TNIP3: variants seen among roughly 807,000 people sequenced by gnomAD.
The protein encoded by TNIP3 is TNFAIP3 interacting protein 3.
Under a neutral mutation model 54.1 loss-of-function variants are expected in TNIP3, and 34 were observed. That is an observed-to-expected ratio of 0.63 (90% confidence interval 0.48 to 0.84). The LOEUF (loss-of-function observed/expected upper bound fraction) is 0.84, where lower values mean the gene tolerates loss of function less well. Among genes scored for constraint, TNIP3 ranks in the 40% least tolerant of loss-of-function variants. The pLI, the probability that TNIP3 is intolerant of heterozygous loss-of-function variation, is 0.00. For synonymous variants in TNIP3, 134 were observed against 136.8 expected (o/e 0.98, Z 0.14); for missense variants, 366 against 387.6 (o/e 0.94, Z 0.47).
At chr4:121,152,530 C>T (rs887773383) in intron 5 of TNIP3, among the ~76,000 whole-genome samples, 18 of 152,134 alleles carry the variant, frequency 1.2e-4, no homozygotes, top group Admixed American at 3.9e-4. Context: ...GAATTGTCTA[C>T]CAAACATATT....
In TNIP3 at chr4:121,158,764, A is replaced by G. The variant is rs1258151229; in HGVS notation, c.148-12T>C. The G allele has an allele frequency of 2.5e-6, 4 of 1,602,704 alleles. 1 individual carries two copies. The South Asian group carries it at 3.4e-5, about 13-fold the overall frequency. On this transcript the variant is annotated splice_polypyrimidine_tract_variant and intron_variant, in intron 2 of 10. Transcript: ENST00000057513. Reference sequence around the variant, plus strand: ...TTAACTTCCAGGAGCTGAAATCATTAAAATTTGGTGAATCAACAAAGAATT... The same window carrying G: ...TTAACTTCCAGGAGCTGAAATCATTGAAATTTGGTGAATCAACAAAGAATT...
intron 2 of TNIP3, among the ~76,000 whole-genome samples, chr4:121,210,638 G>A (rs1049451835): frequency 6.6e-6 from 1 of 152,164 alleles, no homozygotes; most frequent in Non-Finnish European, 1.5e-5. Context: ...CAGCAGGTAG[G>A]TTTCATTCTA....
At chr4:121,227,278 C>G in intron 1 of TNIP3, 1 of 1,001,148 alleles carries the variant, frequency 1.0e-6, no homozygotes, top group Admixed American at 2.2e-5. Flanking sequence ...TTATATATGT[C>G]TTTTTAATAT....
At chr4:121,179,860 T>C (rs886450855) in intron 3 of TNIP3, among the ~76,000 whole-genome samples, 2 of 151,972 alleles carry the variant, frequency 1.3e-5, no homozygotes, top group Non-Finnish European at 2.9e-5. Context: ...AGGAAATATA[T>C]TGAATTCACT....
intron 2 of TNIP3, among the ~76,000 whole-genome samples, chr4:121,194,363 G>A (rs1227712678): frequency 6.6e-6 from 1 of 151,988 alleles, no homozygotes; most frequent in Non-Finnish European, 1.5e-5. Context: ...AAACCTAAAA[G>A]ATAAGATCTG....
intron 2 of TNIP3, among the ~76,000 whole-genome samples, chr4:121,212,409 G>C (rs534719255): frequency 6.6e-6 from 1 of 152,282 alleles, no homozygotes; most frequent in African/African-American, 2.4e-5. Flanking sequence ...TTGAGAGACT[G>C]CTTTCTTAGT....
At chr4:121,203,061 G>A (rs1393046770) in intron 2 of TNIP3, among the ~76,000 whole-genome samples, 1 of 152,010 alleles carries the variant, frequency 6.6e-6, no homozygotes, top group Non-Finnish European at 1.5e-5. Flanking sequence ...TTTGATCCAG[G>A]AATCCTACTA....
At chr4:121,210,237 AG>A (rs148522148) in intron 2 of TNIP3, among the ~76,000 whole-genome samples, 6,587 of 152,290 alleles carry the variant, frequency 0.043, 470 homozygotes, top group African/African-American at 0.15. Flanking sequence ...TTTATAATAA[AG>A]AAAGGAAAAA....
intron 9 of TNIP3, among the ~76,000 whole-genome samples, chr4:121,141,460 C>T (rs1160541473): frequency 1.3e-5 from 2 of 152,168 alleles, no homozygotes; most frequent in Non-Finnish European, 2.9e-5. Context: ...CGAACAAAAG[C>T]ATCTCATTTT....
At chr4:121,152,361 C>A (rs1314175822) in intron 5 of TNIP3, among the ~76,000 whole-genome samples, 2 of 152,116 alleles carry the variant, frequency 1.3e-5, no homozygotes, top group African/African-American at 4.8e-5. Context: ...AGACAAAAAT[C>A]TACTGTCATA....
chr4:121,165,816 T>G (rs1196076722), upstream of TNIP3, among the ~76,000 whole-genome samples: 1 of 152,090 alleles, frequency 6.6e-6, no homozygotes, highest in Non-Finnish European at 1.5e-5. Context: ...GTTCTGAAAG[T>G]AAAAAGTTAT....
At chr4:121,190,447 C>T (rs1341957805) in intron 2 of TNIP3, among the ~76,000 whole-genome samples, 1 of 152,122 alleles carries the variant, frequency 6.6e-6, no homozygotes, top group Non-Finnish European at 1.5e-5. Context: ...GAGAAGCTCC[C>T]ATTAAAAAGT....
At chr4:121,160,333 G>A (rs1224461472) in intron 2 of TNIP3, among the ~76,000 whole-genome samples, 2 of 152,098 alleles carry the variant, frequency 1.3e-5, no homozygotes, top group Non-Finnish European at 2.9e-5. Flanking sequence ...ACAAATATTA[G>A]CTGGGCATGG....
Position 121,131,484 on chromosome 4 carries a change from A to G in TNIP3, c.*1147T>C, listed in dbSNP as rs964051588. 9.9e-5 allele frequency: 15 copies of G among 151,390 alleles called. No homozygotes were observed. The highest frequency in any genetic ancestry group is 2.9e-5 in the Non-Finnish European group (2 of 67,900). The allele number at this position is 151,390 out of a possible 1,614,324, so 9.4% of individuals were successfully genotyped here. Reference sequence around the variant, plus strand: ...TTTTTCATTAAAATTAATCAAATCCAAGGGAAGGAAAAACACAGATTTAAC... The same window carrying G: ...TTTTTCATTAAAATTAATCAAATCCGAGGGAAGGAAAAACACAGATTTAAC... On this transcript the variant is annotated 3_prime_UTR_variant, in exon 11 of 11. Coordinates refer to ENST00000057513, the MANE Select transcript of TNIP3 (RefSeq NM_024873.6).
intron 2 of TNIP3, among the ~76,000 whole-genome samples, chr4:121,203,024 C>A (rs1725977038): frequency 6.6e-6 from 1 of 152,084 alleles, no homozygotes; most frequent in African/African-American, 2.4e-5. Flanking sequence ...GTGAATATTC[C>A]TTAAAGAATT....
Position 121,158,698 on chromosome 4 carries a change from A to G in TNIP3, c.202T>C (p.Tyr68His). The change falls in exon 3 of 11, where the codon TAT becomes CAT. Residue 68 changes from tyrosine (Y) to histidine (H), a missense_variant. Transcript: ENST00000057513. Reference sequence around the variant, plus strand: ...AGAGAGGTATTTACCTTTCTTTCATATAACTCTTTCATACTTCTAAATTGC... The same window carrying G: ...AGAGAGGTATTTACCTTTCTTTCATGTAACTCTTTCATACTTCTAAATTGC... Reference protein sequence around the residue: ...DQQFRSMKELYERKVAELKTK... With the variant: ...DQQFRSMKELHERKVAELKTK... 6.2e-7 allele frequency: 1 copy of G among 1,612,656 alleles called. No homozygotes were observed. Among genetic ancestry groups the G allele is most frequent in the Non-Finnish European group, 8.5e-7 (1 of 1,179,230 alleles).
At chr4:121,145,597 A>G (rs1438712739) in intron 7 of TNIP3, among the ~76,000 whole-genome samples, 2 of 149,550 alleles carry the variant, frequency 1.3e-5, no homozygotes, top group African/African-American at 4.9e-5. Flanking sequence ...AATAAATAAA[A>G]TTATTTAATT....
chr4:121,189,066 T>C (rs1725167901), intron 2 of TNIP3, among the ~76,000 whole-genome samples: 1 of 152,192 alleles, frequency 6.6e-6, no homozygotes, highest in African/African-American at 2.4e-5. Flanking sequence ...GAAAAACACA[T>C]AACCACAGTC....
intron 3 of TNIP3, among the ~76,000 whole-genome samples, chr4:121,178,950 T>C (rs1189481277): frequency 6.6e-6 from 1 of 151,992 alleles, no homozygotes; most frequent in African/African-American, 2.4e-5. Flanking sequence ...ATAAAGTCTA[T>C]AAATGACATA....
Sources: gnomAD v4.1 joint callset for allele counts (sites outside exome capture counted in the v4.1 genomes callset) on GRCh38, gnomAD v4.1.1 for gene constraint, MANE v1.5 for transcripts, NCBI Gene and HGNC (gene_info 2026-07-23, HGNC 2026-07-21) for gene names.